The following TCF4 variants were observed in gnomAD, a reference collection of about 807,000 sequenced individuals.
TCF4 encodes SL3-3 enhancer factor 2.
In TCF4, 3 loss-of-function variants were observed where a neutral mutation model predicts 82.1. The ratio of observed to expected loss-of-function variants is 0.04; its 90% CI spans 0.02 to 0.09. The LOEUF (loss-of-function observed/expected upper bound fraction) is 0.09, where lower values mean the gene tolerates loss of function less well. TCF4 is among the 10% of genes least tolerant of loss of function. The probability of loss-of-function intolerance (pLI) is 1.00; values close to 1 mark genes in which losing one functional copy is unlikely to be tolerated. For missense variants in TCF4, 518 were observed against 852.7 expected, an observed-to-expected ratio of 0.61 and a Z score of 4.89; for synonymous variants, 276 against 309.6, an observed-to-expected ratio of 0.89 and a Z score of 1.14.
chr18:55,271,366 T>C (rs1600924843), intron 10 of TCF4, among the ~76,000 whole-genome samples: 1 of 152,162 alleles, frequency 6.6e-6, no homozygotes, highest in African/African-American at 2.4e-5. Flanking sequence ...GGCTAACTAC[T>C]GAACACATAA....
intron 3 of TCF4, among the ~76,000 whole-genome samples, chr18:55,583,684 T>A (rs985102053): frequency 3.3e-5 from 5 of 152,128 alleles, no homozygotes; most frequent in Non-Finnish European, 7.4e-5. Flanking sequence ...TATCTCTGTG[T>A]CTGTCTGACA....
intron 13 of TCF4, 100 bp from the exon 14 acceptor site, chr18:55,257,491 G>C: frequency 8.7e-7 from 1 of 1,148,494 alleles, no homozygotes. Flanking sequence ...TGGCAATGAT[G>C]ATTTTCATTT....
intron 8 of TCF4, among the ~76,000 whole-genome samples, chr18:55,342,546 A>G (rs550707104): frequency 2.6e-5 from 4 of 152,296 alleles, no homozygotes; most frequent in African/African-American, 9.6e-5. Flanking sequence ...ATTTAAACTA[A>G]CTCAACAAGT....
chr18:55,346,861 A>T (rs60955239), intron 8 of TCF4, among the ~76,000 whole-genome samples: 8,071 of 152,182 alleles, frequency 0.053, 277 homozygotes, highest in African/African-American at 0.094. Context: ...ACAATATAAA[A>T]TTTTTTGCTA....
intron 6 of TCF4, 151 bp downstream of exon 6, chr18:55,403,303 G>A: frequency 1.1e-6 from 1 of 869,764 alleles, no homozygotes; most frequent in Non-Finnish European, 2.0e-6. Flanking sequence ...TCTAAGCTCT[G>A]TGTTATTTCA....
Position 55,434,419 on chromosome 18 carries a change from C to CTTTTTTTTT in TCF4, c.304+26591_304+26599dup, listed in dbSNP as rs765165999. Among the ~76,000 whole-genome samples, 6 of 118,202 alleles carry CTTTTTTTTT rather than the reference C, an allele frequency of 5.1e-5. 1 individual carries two copies. The highest frequency in any genetic ancestry group is 9.9e-5 in the African/African-American group (3 of 30,252). 77.5% of individuals were successfully genotyped at this position (118,202 alleles called of 152,430 possible). On this transcript the variant is annotated intron_variant, in intron 5 of 19. Coordinates refer to ENST00000354452, the MANE Select transcript of TCF4 (RefSeq NM_001083962.2). ...TTTTCAAACAGCAATACAGGACATT[C>CTTTTTTTTT]TTTTTTTTTTTTTTTTTTGAGATGG...
chr18:55,313,280 G>C (rs1049716464), intron 8 of TCF4, among the ~76,000 whole-genome samples: 7 of 152,120 alleles, frequency 4.6e-5, no homozygotes, highest in Non-Finnish European at 1.0e-4. Context: ...ATTTTGTTGT[G>C]AAGCCGGGGG....
intron 3 of TCF4, among the ~76,000 whole-genome samples, chr18:55,581,604 T>C (rs530563910): frequency 9.9e-5 from 15 of 152,180 alleles, no homozygotes; most frequent in African/African-American, 3.4e-4. Context: ...AATTTTTTTT[T>C]CATGCCATCA....
chr18:55,228,253 T>A lies in TCF4; in HGVS notation c.1988A>T (p.Asp663Val). 6.2e-7 allele frequency: 1 copy of A among 1,614,138 alleles called. No individual in the cohort carries two copies. Among genetic ancestry groups the A allele is most frequent in the Non-Finnish European group, 8.5e-7 (1 of 1,180,004 alleles). The change falls in exon 19 of 20, where the codon GAC (aspartate) becomes GTC (valine). Residue 663 changes from aspartate (D) to valine (V), a missense_variant. Transcript: ENST00000354452. ...CATCTGTCCCATGTGATTCGATGCGTCTCCCATTCCAGGGTGTGGGCCGGC... is the reference window on the plus strand; with the variant it reads ...CATCTGTCCCATGTGATTCGATGCGACTCCCATTCCAGGGTGTGGGCCGGC... ...SLAGPHPGMG[D>V]ASNHMGQM is the part of the protein sequence containing the mutation.
At chr18:55,463,984 G>GAC (rs2095943764) in intron 4 of TCF4, 92 bp downstream of exon 4, 1 of 1,083,914 alleles carries the variant, frequency 9.2e-7, no homozygotes, top group African/African-American at 1.6e-5. Flanking sequence ...GTGTGAGAGA[G>GAC]AGAGAGAGAG....
intron 8 of TCF4, among the ~76,000 whole-genome samples, chr18:55,344,919 G>A (rs954889091): frequency 6.6e-6 from 1 of 152,078 alleles, no homozygotes; most frequent in African/African-American, 2.4e-5. Flanking sequence ...CTTCATGCTT[G>A]TCTTTTCCTT....
intron 3 of TCF4, among the ~76,000 whole-genome samples, chr18:55,566,622 C>G (rs2040137816): frequency 6.6e-6 from 1 of 152,054 alleles, no homozygotes; most frequent in Admixed American, 6.5e-5. Flanking sequence ...CATTAGATAA[C>G]ACGTTAGAGA....
intron 8 of TCF4, among the ~76,000 whole-genome samples, chr18:55,280,714 A>G (rs924974776): frequency 3.9e-5 from 6 of 152,182 alleles, no homozygotes; most frequent in Non-Finnish European, 8.8e-5. Flanking sequence ...CACAGGTCAC[A>G]GTAAAAGGAA....
rs2095431661 is a variant in TCF4, at chr18:55,441,140, T to A, written c.304+19879A>T. On this transcript the variant is annotated intron_variant, in intron 5 of 19. Coordinates refer to ENST00000354452, the MANE Select transcript of TCF4 (RefSeq NM_001083962.2). The stretch of plus-strand genomic sequence containing the variant: ...TTGATGACCAAATCCAGTGCAACAA[T>A]CCATTAGGTCCCAACTCATATGTGT... 3.3e-5 allele frequency among the ~76,000 whole-genome samples: 5 copies of A among 152,222 alleles called. No individual in the cohort carries two copies. The South Asian group carries it at 1.0e-3, about 32-fold the overall frequency.
At chr18:55,266,145 TCTTA>T (rs1204040310) in intron 11 of TCF4, 1 of 152,138 alleles carries the variant, frequency 6.6e-6, no homozygotes, top group African/African-American at 2.4e-5. Flanking sequence ...TAGGAGGTCC[TCTTA>T]CTTCTTTCCA....
intron 6 of TCF4, among the ~76,000 whole-genome samples, chr18:55,380,375 C>A (rs1237432617): frequency 6.6e-6 from 1 of 151,964 alleles, no homozygotes; most frequent in African/African-American, 2.4e-5. Flanking sequence ...ACCCATCAAC[C>A]CGTCATCTAC....
intron 6 of TCF4, among the ~76,000 whole-genome samples, chr18:55,390,142 G>A (rs1376934515): frequency 6.6e-6 from 1 of 151,954 alleles, no homozygotes; most frequent in African/African-American, 2.4e-5. Context: ...ACACATGTAA[G>A]AATACGAATT....
At chr18:55,550,637 G>A (rs1459612956) in intron 3 of TCF4, 1 of 152,136 alleles carries the variant, frequency 6.6e-6, no homozygotes, top group Admixed American at 6.6e-5. Context: ...TAAATTACAG[G>A]ATTTTAGGGA....
intron 6 of TCF4, among the ~76,000 whole-genome samples, chr18:55,370,100 T>C (rs1026839068): frequency 3.3e-5 from 5 of 152,126 alleles, no homozygotes; most frequent in African/African-American, 1.2e-4. Flanking sequence ...ATCTCAATAT[T>C]ACGTTAAAAA....
Sources: allele counts gnomAD v4.1 joint callset (sites outside exome capture counted in the v4.1 genomes callset), GRCh38; gene constraint gnomAD v4.1.1; transcripts MANE v1.5; gene names NCBI Gene and HGNC (gene_info 2026-07-23, HGNC 2026-07-21).